DOCK7: variants seen among roughly 807,000 people sequenced by gnomAD.
The protein encoded by DOCK7 is dedicator of cytokinesis 7.
DOCK7 carries 138 observed loss-of-function variants against 271.0 expected under a neutral mutation model. That is an observed-to-expected ratio of 0.51 (90% CI 0.44 to 0.59). The LOEUF (loss-of-function observed/expected upper bound fraction) is 0.59, where lower values mean the gene tolerates loss of function less well. DOCK7 is among the 20% of genes least tolerant of loss of function. DOCK7 has a pLI of 0.00. For missense variants in DOCK7, 2,066 were observed against 2,592.4 expected (o/e 0.80, Z 4.41); for synonymous variants, 823 against 876.1 (o/e 0.94, Z 1.07).
chr1:62,589,762 C>T (rs1648156501), intron 14 of DOCK7, among the ~76,000 whole-genome samples: 2 of 151,258 alleles, frequency 1.3e-5, no homozygotes, highest in African/African-American at 4.9e-5. Flanking sequence ...TCAAGGACAC[C>T]AACTATGAAA....
chr1:62,592,629 T>A (rs1557768473), intron 14 of DOCK7, among the ~76,000 whole-genome samples: 1 of 151,412 alleles, frequency 6.6e-6, no homozygotes, highest in African/African-American at 2.4e-5. Context: ...AAAAAGAGGG[T>A]AACAAGGAGG....
intron 48 of DOCK7, among the ~76,000 whole-genome samples, chr1:62,472,809 G>A (rs1645867514): frequency 6.6e-6 from 1 of 152,126 alleles, no homozygotes; most frequent in Non-Finnish European, 1.5e-5. Flanking sequence ...CTAGAATTTT[G>A]GTACATCTCA....
intron 31 of DOCK7, among the ~76,000 whole-genome samples, chr1:62,518,253 T>C (rs1032864037): frequency 1.3e-5 from 2 of 151,178 alleles, no homozygotes; most frequent in Non-Finnish European, 2.9e-5. Flanking sequence ...CTGGCCAACA[T>C]AGTGCAACTC....
chr1:62,672,104 TC>T (rs1170227020), intron 1 of DOCK7, among the ~76,000 whole-genome samples: 1 of 151,572 alleles, frequency 6.6e-6, no homozygotes, highest in African/African-American at 2.4e-5. Flanking sequence ...CCATCTCCAA[TC>T]CCCAATCCCC....
intron 29 of DOCK7, among the ~76,000 whole-genome samples, chr1:62,532,754 A>G (rs937247500): frequency 2.0e-5 from 3 of 152,230 alleles, no homozygotes; most frequent in African/African-American, 4.8e-5. Context: ...AGGGCTGTTC[A>G]ACATTGCTTC....
intron 14 of DOCK7, chr1:62,604,610 AATTGCATATCT>A (rs1436797373): frequency 6.2e-7 from 1 of 1,609,790 alleles, no homozygotes; most frequent in Non-Finnish European, 8.5e-7. Context: ...GTACCCATTA[AATTGCATATCT>A]ATCTCCTTTA....
intron 14 of DOCK7, among the ~76,000 whole-genome samples, chr1:62,587,445 G>C (rs1049790813): frequency 2.0e-5 from 3 of 152,070 alleles, no homozygotes; most frequent in Non-Finnish European, 4.4e-5. Context: ...TTTCTGAAGA[G>C]TGGTAGGGCA....
Position 62,553,032 on chromosome 1 carries a change from CTT to C in DOCK7, c.2597-133_2597-132del, listed in dbSNP as rs66892340. 12,228 of 167,820 alleles carry C rather than the reference CTT, an allele frequency of 0.073. 20 individuals carry two copies. The highest frequency in any genetic ancestry group is 0.21 in the East Asian group (1,616 of 7,650). 10.4% of individuals were successfully genotyped at this position (167,820 alleles called of 1,614,324 possible). A position where few individuals can be genotyped will look rare whatever the true frequency, so the allele number is the denominator to read the frequency against. ...CTTTGGTTTCTAAATAAAAAATATA[CTT>C]TTTTTTTTTTTTTTTTTTTGAGACA... On this transcript the variant is annotated intron_variant, in intron 21 of 49. Coordinates refer to ENST00000635253, the MANE Select transcript of DOCK7 (RefSeq NM_001367561.1).
chr1:62,506,278 C>T (rs977019765), intron 35 of DOCK7, among the ~76,000 whole-genome samples: 2 of 151,898 alleles, frequency 1.3e-5, no homozygotes, highest in Non-Finnish European at 2.9e-5. Context: ...GAGAGGTGAA[C>T]AAAAGAGAAG....
chr1:62,632,691 A>T (rs1216883364), intron 10 of DOCK7, among the ~76,000 whole-genome samples: 1 of 152,148 alleles, frequency 6.6e-6, no homozygotes, highest in Non-Finnish European at 1.5e-5. Context: ...CATTCTAGCA[A>T]TTAGGCTGGG....
rs765893431 is a variant in DOCK7 at position 62,601,796 on chromosome 1, A to G, written c.1683-15172T>C. The G allele has an allele frequency of 6.2e-6, 10 of 1,609,462 alleles. No individual in the cohort carries two copies. In the South Asian group the frequency reaches 6.6e-5, roughly 11 times the overall value. On this transcript the variant is annotated intron_variant, in intron 14 of 49. Coordinates refer to ENST00000635253, the MANE Select transcript of DOCK7 (RefSeq NM_001367561.1). ...ATTCCTGCTGAATGTACCACCATTT[A>G]TAACAGAGGTGAACATACAAGTGGC...
intron 21 of DOCK7, among the ~76,000 whole-genome samples, chr1:62,553,952 T>A (rs1281876769): frequency 6.6e-6 from 1 of 151,756 alleles, no homozygotes; most frequent in East Asian, 2.0e-4. Flanking sequence ...TTTTCCCACC[T>A]CTCCTACTCT....
At position 62,615,419 on chromosome 1, in the gene DOCK7, C is replaced by T. The variant is rs114265221; in HGVS notation, c.1682+3287G>A. On this transcript the variant is annotated intron_variant, in intron 14 of 49. Coordinates refer to ENST00000635253, the MANE Select transcript of DOCK7 (RefSeq NM_001367561.1). ...AGAGCACTAGGATCATTTCCATAAA[C>T]TAAGAAACTTAGCCTTGACATTCTA... is the stretch of plus-strand genomic sequence containing the variant. Among the ~76,000 whole-genome samples the T allele has an allele frequency of 6.0e-3, 918 of 151,924 alleles. 9 individuals carry two copies. The highest frequency in any genetic ancestry group is 8.8e-3 in the Non-Finnish European group (599 of 67,710).
chr1:62,564,562 G>C (rs1001645215), intron 18 of DOCK7, among the ~76,000 whole-genome samples: 2 of 152,000 alleles, frequency 1.3e-5, no homozygotes, highest in Non-Finnish European at 2.9e-5. Context: ...GTGTGGAGAG[G>C]GAAATTTATA....
chr1:62,521,071 G>A (rs1644833367), intron 31 of DOCK7, among the ~76,000 whole-genome samples: 1 of 150,162 alleles, frequency 6.7e-6, no homozygotes, highest in Non-Finnish European at 1.5e-5. Flanking sequence ...ATGAACACAG[G>A]AAGGGGAACA....
At chr1:62,556,442 G>A (rs1448029334) in intron 20 of DOCK7, among the ~76,000 whole-genome samples, 2 of 149,130 alleles carry the variant, frequency 1.3e-5, no homozygotes, top group African/African-American at 2.5e-5. Flanking sequence ...AGAGATTATT[G>A]AAAATAATAA....
At chr1:62,465,792 C>T (rs1218711930) in intron 48 of DOCK7, among the ~76,000 whole-genome samples, 5 of 152,116 alleles carry the variant, frequency 3.3e-5, no homozygotes, top group Admixed American at 1.3e-4. Context: ...CCTCATGATC[C>T]ACCTGTCTTG....
At chr1:62,595,679 A>G (rs1649128439) in intron 14 of DOCK7, among the ~76,000 whole-genome samples, 2 of 152,160 alleles carry the variant, frequency 1.3e-5, no homozygotes, top group African/African-American at 4.8e-5. Context: ...CTTTAATATC[A>G]GCACTTTGAG....
chr1:62,561,621 G>C lies in DOCK7; in HGVS notation c.2195C>G (p.Thr732Arg), dbSNP rs777904081. 2 of 1,557,542 alleles carry C rather than the reference G, an allele frequency of 1.3e-6. No homozygotes were observed. Among genetic ancestry groups the C allele is most frequent in the South Asian group, 2.5e-5 (2 of 79,674 alleles). Reference sequence around the variant, plus strand: ...ATAAAAATTATTAAAACTCACTTGTGTATGGATAGACGAAACAGCAACAAC... The same window carrying C: ...ATAAAAATTATTAAAACTCACTTGTCTATGGATAGACGAAACAGCAACAAC... ...VEVVAVSSIHTQDPYLDKFFA... is the reference protein window; with the variant it reads ...VEVVAVSSIHRQDPYLDKFFA... The change falls in exon 19 of 50, where the codon ACA becomes AGA. Residue 732 changes from threonine to arginine, a missense_variant. Transcript: ENST00000635253.
Sources: allele counts gnomAD v4.1 joint callset (sites outside exome capture counted in the v4.1 genomes callset), GRCh38; gene constraint gnomAD v4.1.1; transcripts MANE v1.5; gene names NCBI Gene and HGNC (gene_info 2026-07-23, HGNC 2026-07-21).